SLC16A1: variants seen among roughly 807,000 people sequenced by gnomAD.
SLC16A1 encodes the protein solute carrier family 16 member 1, also known as monocarboxylate transporter 1.
Under a neutral mutation model 32.2 loss-of-function variants are expected in SLC16A1, and 11 were observed. The observed-to-expected ratio is 0.34, with a 90% CI of 0.21 to 0.56. The LOEUF is 0.56. SLC16A1 is among the 20% of genes least tolerant of loss of function. The pLI, the probability that SLC16A1 is intolerant of heterozygous loss-of-function variation, is 0.87. For missense variants in SLC16A1, 435 were observed against 615.0 expected (o/e 0.71, Z 3.10); for synonymous variants, 231 against 226.8 (o/e 1.02, Z -0.17).
At chr1:112,921,741 T>C (rs149628447) in intron 3 of SLC16A1, among the ~76,000 whole-genome samples, 15 of 152,322 alleles carry the variant, frequency 9.8e-5, no homozygotes, top group African/African-American at 3.6e-4. Flanking sequence ...TGGCTATTCT[T>C]AGGACAAGGA....
At chr1:112,916,184 T>G (rs1210197318) in intron 4 of SLC16A1, among the ~76,000 whole-genome samples, 2 of 151,940 alleles carry the variant, frequency 1.3e-5, no homozygotes, top group African/African-American at 4.8e-5. Context: ...TTTTTTTTTT[T>G]TTTTGCTTTT....
chr1:112,931,826 T>C (rs989343612), intron 1 of SLC16A1, among the ~76,000 whole-genome samples: 2 of 152,058 alleles, frequency 1.3e-5, no homozygotes, highest in Middle Eastern at 3.4e-3. Flanking sequence ...GGTTACCTGT[T>C]TTCTCATGAA....
chr1:112,932,684 C>T (rs1649176108), intron 1 of SLC16A1, among the ~76,000 whole-genome samples: 1 of 148,778 alleles, frequency 6.7e-6, no homozygotes, highest in South Asian at 2.2e-4. Flanking sequence ...GTGCTAGCTA[C>T]TTGGGAGGCT....
intron 1 of SLC16A1, among the ~76,000 whole-genome samples, chr1:112,930,241 A>G (rs951559710): frequency 6.6e-6 from 1 of 152,190 alleles, no homozygotes; most frequent in African/African-American, 2.4e-5. Flanking sequence ...TTAACCTGCG[A>G]TCTAACTCCA....
At chr1:112,927,751 GA>G (rs1282108971) in intron 2 of SLC16A1, among the ~76,000 whole-genome samples, 1 of 152,152 alleles carries the variant, frequency 6.6e-6, no homozygotes, top group Non-Finnish European at 1.5e-5. Context: ...TTCCCCAAAG[GA>G]AAGTGTCATG....
chr1:112,946,276 A>G (rs1022114563), intron 1 of SLC16A1, among the ~76,000 whole-genome samples: 1 of 152,080 alleles, frequency 6.6e-6, no homozygotes, highest in African/African-American at 2.4e-5. Flanking sequence ...AGCAATATTA[A>G]AAAACTAAGA....
chr1:112,933,439 C>T (rs1649203342), intron 1 of SLC16A1, among the ~76,000 whole-genome samples: 1 of 133,762 alleles, frequency 7.5e-6, no homozygotes, highest in Non-Finnish European at 1.5e-5. Context: ...ATGGCCGACA[C>T]AGCGAGACTG....
rs1392938361 is a variant in SLC16A1, at chr1:112,917,136, TG to T, written c.1228+41del. ...TGTCAGCATTCCCATCTTACATGCT[TG>T]TTTTGTAATAGACCCACATTAGTAG... is the stretch of plus-strand genomic sequence containing the variant. On this transcript the variant is annotated intron_variant, in intron 4 of 4. Transcript: ENST00000369626. This position sits in a 1 kb window ranked among gnomAD's most constrained non-coding sequence, Gnocchi z 4.1. 3 of 1,613,474 alleles carry T rather than the reference TG, an allele frequency of 1.9e-6. No individual in the cohort carries two copies. The highest frequency in any genetic ancestry group is 1.7e-5 in the Admixed American group (1 of 59,966).
intron 1 of SLC16A1, among the ~76,000 whole-genome samples, chr1:112,953,579 G>A (rs553757853): frequency 2.6e-5 from 4 of 152,180 alleles, no homozygotes; most frequent in Non-Finnish European, 2.9e-5. Context: ...TCCTTAAAAT[G>A]GCTTACAAGG....
chr1:112,931,096 T>A (rs916023986), intron 1 of SLC16A1, among the ~76,000 whole-genome samples: 2 of 152,058 alleles, frequency 1.3e-5, no homozygotes, highest in Non-Finnish European at 2.9e-5. Flanking sequence ...CTCTTTTCAT[T>A]CTCTTATTTA....
intron 1 of SLC16A1, among the ~76,000 whole-genome samples, chr1:112,932,464 T>C (rs1046109247): frequency 2.6e-5 from 4 of 151,472 alleles, no homozygotes; most frequent in African/African-American, 9.7e-5. Flanking sequence ...GCCCAGGAAT[T>C]TGAGGTTACA....
chr1:112,923,622 C>T (rs937327818), intron 2 of SLC16A1: 20 of 1,421,804 alleles, frequency 1.4e-5, no homozygotes, highest in African/African-American at 9.9e-5. Context: ...TGACAGTCTC[C>T]GGTTCCAGCT....
At chr1:112,951,644 A>G (rs1649901689) in intron 1 of SLC16A1, among the ~76,000 whole-genome samples, 1 of 152,194 alleles carries the variant, frequency 6.6e-6, no homozygotes, top group African/African-American at 2.4e-5. Flanking sequence ...TGAAAGACCA[A>G]AAGAAACGCC....
At chr1:112,951,332 AGATT>A (rs1399168103) in intron 1 of SLC16A1, among the ~76,000 whole-genome samples, 2 of 152,174 alleles carry the variant, frequency 1.3e-5, no homozygotes, top group Admixed American at 6.5e-5. Flanking sequence ...AATATTAAGA[AGATT>A]CAGAGGTTTT....
intron 4 of SLC16A1, 40 bp from the exon 5 acceptor site, chr1:112,914,205 T>G: frequency 6.2e-7 from 1 of 1,612,094 alleles, no homozygotes; most frequent in South Asian, 1.1e-5. Flanking sequence ...TTTCTAAGAG[T>G]AAACAGTTTT....
At chr1:112,953,097 G>GTGA (rs1398911632) in intron 1 of SLC16A1, among the ~76,000 whole-genome samples, 3 of 150,864 alleles carry the variant, frequency 2.0e-5, no homozygotes, top group Admixed American at 2.0e-4. Context: ...TGCATCCAAA[G>GTGA]TGATGTTCCT....
At chr1:112,922,268 C>A in intron 2 of SLC16A1, 135 bp from the exon 3 acceptor site, 1 of 810,340 alleles carries the variant, frequency 1.2e-6, no homozygotes, top group Non-Finnish European at 2.0e-6. Context: ...TCTATAATTA[C>A]TTCTGAGTCA....
At chr1:112,927,938 T>G (rs147128929) in intron 2 of SLC16A1, among the ~76,000 whole-genome samples, 15 of 152,290 alleles carry the variant, frequency 9.8e-5, no homozygotes, top group African/African-American at 3.6e-4. Flanking sequence ...CAAGCCATCA[T>G]AGTCAAAACC....
At chr1:112,955,837 C>G (rs1371673114) in intron 1 of SLC16A1, 198 bp downstream of exon 1, 3 of 152,138 alleles carry the variant, frequency 2.0e-5, no homozygotes, top group African/African-American at 4.8e-5. Flanking sequence ...GGCGCTGACC[C>G]CAGCGCCTCA....
Sources: allele counts gnomAD v4.1 joint callset (sites outside exome capture counted in the v4.1 genomes callset), GRCh38; gene constraint gnomAD v4.1.1; non-coding constraint Gnocchi (gnomAD v3.1); transcripts MANE v1.5; gene names NCBI Gene and HGNC (gene_info 2026-07-23, HGNC 2026-07-21).